TIMELESS: variants seen among roughly 807,000 people sequenced by gnomAD.
TIMELESS encodes protein timeless homolog.
TIMELESS carries 124 observed loss-of-function variants against 164.3 expected under a neutral mutation model. The ratio of observed to expected loss-of-function variants is 0.75; its 90% confidence interval spans 0.65 to 0.88. The LOEUF (loss-of-function observed/expected upper bound fraction) is 0.88. Ranked by LOEUF, TIMELESS falls within the 40% of genes least tolerant of loss-of-function variation. TIMELESS has a pLI of 0.00. For missense variants in TIMELESS, 1,422 were observed against 1,491.4 expected (o/e 0.95, Z 0.77); for synonymous variants, 564 against 563.4 (o/e 1.00, Z -0.02).
At chr12:56,419,780 A>T (rs1315021810) in intron 26 of TIMELESS, among the ~76,000 whole-genome samples, 1 of 151,646 alleles carries the variant, frequency 6.6e-6, no homozygotes, top group African/African-American at 2.4e-5. Flanking sequence ...TTAAAAAAAA[A>T]TAACAATACA....
chr12:56,442,914 T>A (rs1462073951), intron 1 of TIMELESS, among the ~76,000 whole-genome samples: 1 of 152,254 alleles, frequency 6.6e-6, no homozygotes, highest in Non-Finnish European at 1.5e-5. Flanking sequence ...TGGACATTTA[T>A]CACTTCCCCA....
At chr12:56,435,176 G>A (rs139625081) in intron 1 of TIMELESS, among the ~76,000 whole-genome samples, 26 of 152,188 alleles carry the variant, frequency 1.7e-4, no homozygotes, top group African/African-American at 6.3e-4. Flanking sequence ...CATCTCAGGA[G>A]CCCTGAGGCT....
rs1881623785 is a variant in TIMELESS at position 56,424,862 on chromosome 12, CCT to C, written c.1766_1767del (p.Glu589GlyfsTer39). The C allele has an allele frequency of 6.2e-7, 1 of 1,614,120 alleles. No individual in the cohort carries two copies. Among genetic ancestry groups the C allele is most frequent in the South Asian group, 1.1e-5 (1 of 91,092 alleles). ...DSVVPFDAAS[E>X]VPVEEQRAEA... ...TCTGCCCGCTGCTCCTCCACTGGCACCTCTGAGGCCGCATCAAAGGGAACCAC... is the reference window on the plus strand; with the variant it reads ...TCTGCCCGCTGCTCCTCCACTGGCACCTGAGGCCGCATCAAAGGGAACCAC... On this transcript the variant is annotated frameshift_variant, in exon 15 of 29. Transcript: ENST00000553532. LOFTEE classifies it high-confidence loss of function.
In TIMELESS at chr12:56,432,412, C is replaced by A; in HGVS notation, c.644G>T (p.Ser215Ile). 6.2e-7 allele frequency: 1 copy of A among 1,614,198 alleles called. No individual in the cohort carries two copies. Among genetic ancestry groups the A allele is most frequent in the Non-Finnish European group, 8.5e-7 (1 of 1,180,020 alleles). ...GGAGACAATCTCTAGCACATGTAGG[C>A]TCCATTGCTCCTCAGCAGACGAGCT... ...LASSSAEEQW[S>I]LHVLEIVSLM... Residue 215 changes from serine (S) to isoleucine (I), a missense_variant, in exon 7 of 29, where the codon AGC becomes ATC. Coordinates refer to ENST00000553532, the MANE Select transcript of TIMELESS (RefSeq NM_003920.5).
intron 1 of TIMELESS, among the ~76,000 whole-genome samples, chr12:56,442,427 C>T (rs1332987653): frequency 6.6e-6 from 1 of 152,192 alleles, no homozygotes; most frequent in African/African-American, 2.4e-5. Flanking sequence ...TGGGAAAAAC[C>T]TCATCTTTGT....
rs949574009 is a variant in TIMELESS, at chr12:56,433,798, T to C, written c.226A>G (p.Lys76Glu). ...LPILTQHHQD[K>E]PLFDAVIRLM... ...CTGATAACAGCATCAAAGAGAGGCT[T>C]GTCCTGGTGGTGCTGGGTGAGGATG... Residue 76 changes from lysine (K) to glutamate (E), a missense_variant, in exon 3 of 29, where the codon AAG becomes GAG. Physicochemically the swap from Lys to Glu is moderately conservative, Grantham distance 56. Transcript: ENST00000553532. 1 of 1,614,084 alleles carries C rather than the reference T, an allele frequency of 6.2e-7. No individual in the cohort carries two copies. Among genetic ancestry groups the C allele is most frequent in the African/African-American group, 1.3e-5 (1 of 74,940 alleles).
At chr12:56,427,889 C>A (rs376155389) in intron 13 of TIMELESS, among the ~76,000 whole-genome samples, 9 of 152,280 alleles carry the variant, frequency 5.9e-5, no homozygotes, top group African/African-American at 2.2e-4. Context: ...ATTTAAGGCT[C>A]TTTCCACCTC....
At position 56,417,510 on chromosome 12, in the gene TIMELESS, G is replaced by A. The variant is rs530192128; in HGVS notation, c.*206C>T. ...CTCCAGAGAGCTGCTGGGGCATACC[G>A]ATAAAAACTGGGAGAAACAAAGACT... is the stretch of plus-strand genomic sequence containing the variant. On this transcript the variant is annotated 3_prime_UTR_variant, in exon 29 of 29. Coordinates refer to ENST00000553532, the MANE Select transcript of TIMELESS (RefSeq NM_003920.5). 4.8e-4 allele frequency: 271 copies of A among 568,860 alleles called. No homozygotes were observed. The highest frequency in any genetic ancestry group is 1.5e-3 in the Admixed American group (51 of 33,082). 35.2% of individuals were successfully genotyped at this position (568,860 alleles called of 1,614,324 possible).
chr12:56,446,810 C>CA (rs57794084), intron 1 of TIMELESS, among the ~76,000 whole-genome samples: 23,010 of 126,760 alleles, frequency 0.18, 3,768 homozygotes, highest in African/African-American at 0.45. Context: ...AACTCCATCT[C>CA]AAAAAAAAAA....
At chr12:56,420,512 A>C in intron 26 of TIMELESS, 57 bp downstream of exon 26, 1 of 1,352,150 alleles carries the variant, frequency 7.4e-7, no homozygotes, top group Non-Finnish European at 1.1e-6. Flanking sequence ...GGAGGAGGAG[A>C]TGTATTTGGA....
rs1009915608 is a variant in TIMELESS, at chr12:56,423,804, T to C, written c.1959A>G (p.Pro653=). Residue 653 remains proline (P), a synonymous_variant, in exon 16 of 29, where the codon CCA becomes CCG. Transcript: ENST00000553532. The part of the protein sequence containing the change: ...IQLLKQILSA[P]LPRQQGPEER... ...TGAAGGGTGGAGACTCACGGGGAAG[T>C]GGAGCAGAGAGGATTTGTTTCAGCA... The C allele has an allele frequency of 1.9e-6, 3 of 1,614,078 alleles. No individual in the cohort carries two copies. Among genetic ancestry groups the C allele is most frequent in the Admixed American group, 3.3e-5 (2 of 60,024 alleles).
chr12:56,422,793 C>A (rs1473742114), intron 19 of TIMELESS, 54 bp downstream of exon 19: 1 of 1,544,660 alleles, frequency 6.5e-7, no homozygotes, highest in Non-Finnish European at 8.8e-7. Flanking sequence ...CATTCTGTGA[C>A]TCTGCATCAA....
Position 56,433,413 on chromosome 12 carries a change from G to A in TIMELESS, c.397C>T (p.Leu133Phe). 1 of 1,614,138 alleles carries A rather than the reference G, an allele frequency of 6.2e-7. No homozygotes were observed. The highest frequency in any genetic ancestry group is 8.5e-7 in the Non-Finnish European group (1 of 1,180,026). ...AGCAGCTCATACAAGGTTTCACTGA[G>A]GACTCCAAAAGCCTTCTCACTGGCA... ...AFASEKAFGV[L>F]SETLYELLQL... Residue 133 changes from leucine (L) to phenylalanine (F), a missense_variant, in exon 5 of 29, where the codon CTC becomes TTC. By Grantham distance (22) the Leu-to-Phe change is conservative (BLOSUM62 0). Coordinates refer to ENST00000553532, the MANE Select transcript of TIMELESS (RefSeq NM_003920.5).
At chr12:56,444,590 G>A (rs1868323179) in intron 1 of TIMELESS, among the ~76,000 whole-genome samples, 1 of 151,772 alleles carries the variant, frequency 6.6e-6, no homozygotes, top group Non-Finnish European at 1.5e-5. Context: ...TCTCAAAAGT[G>A]TAGTGATGTG....
chr12:56,439,252 G>C (rs1565687933), intron 1 of TIMELESS, among the ~76,000 whole-genome samples: 3 of 148,520 alleles, frequency 2.0e-5, no homozygotes, highest in Non-Finnish European at 3.0e-5. Context: ...GAAATGTCCA[G>C]AATAGGCAAA....
chr12:56,430,170 A>G lies in TIMELESS; in HGVS notation c.1021T>C (p.Phe341Leu). 1 of 1,614,114 alleles carries G rather than the reference A, an allele frequency of 6.2e-7. No homozygotes were observed. The highest frequency in any genetic ancestry group is 1.1e-5 in the South Asian group (1 of 91,072). ...AACTCAGAGCAGAAGTCTCTGAGGA[A>G]GAGCCTCACATTGAGGGCAGAACGG... Reference protein sequence around the residue: ...QRRSALNVRLFLRDFCSEFLE... With the variant: ...QRRSALNVRLLLRDFCSEFLE... Residue 341 changes from phenylalanine to leucine, a missense_variant, in exon 10 of 29, where the codon TTC (phenylalanine) becomes CTC (leucine). By Grantham distance (22) the Phe-to-Leu change is conservative (BLOSUM62 0). Coordinates refer to ENST00000553532, the MANE Select transcript of TIMELESS (RefSeq NM_003920.5).
At chr12:56,424,480 C>T (rs1253894116) in intron 15 of TIMELESS, among the ~76,000 whole-genome samples, 5 of 152,200 alleles carry the variant, frequency 3.3e-5, no homozygotes, top group East Asian at 1.9e-4. Context: ...AAGAAACATG[C>T]CGTAGGTCAT....
intron 7 of TIMELESS, among the ~76,000 whole-genome samples, chr12:56,431,858 A>G (rs1881896771): frequency 6.9e-6 from 1 of 145,062 alleles, no homozygotes; most frequent in Non-Finnish European, 1.5e-5. Flanking sequence ...ACATATACAT[A>G]GAACATGTAC....
intron 14 of TIMELESS, 36 bp from the exon 15 acceptor site, chr12:56,424,949 G>A (rs1329818589): frequency 6.2e-7 from 1 of 1,613,992 alleles, no homozygotes; most frequent in South Asian, 1.1e-5. Flanking sequence ...CGGAGGGAGT[G>A]GAAAACCCAG....
Sources: allele counts gnomAD v4.1 joint callset (sites outside exome capture counted in the v4.1 genomes callset), GRCh38; gene constraint gnomAD v4.1.1; transcripts MANE v1.5; gene names NCBI Gene and HGNC (gene_info 2026-07-23, HGNC 2026-07-21).